The following AKT3 variants were observed in gnomAD, a reference collection of about 807,000 sequenced individuals.
AKT3 encodes RAC-gamma serine/threonine-protein kinase.
A neutral mutation model predicts 65.3 loss-of-function variants in AKT3; 15 were observed. The ratio of observed to expected loss-of-function variants is 0.23; its 90% confidence interval spans 0.15 to 0.35. The LOEUF (loss-of-function observed/expected upper bound fraction) is 0.35, where lower values mean the gene tolerates loss of function less well. Ranked by LOEUF, AKT3 falls within the 10% of genes least tolerant of loss-of-function variation. The pLI is 1.00. For missense variants in AKT3, 243 were observed against 576.5 expected, an observed-to-expected ratio of 0.42 and a Z score of 5.92; for synonymous variants, 206 against 183.8, an observed-to-expected ratio of 1.12 and a Z score of -0.98.
At chr1:243,583,809 G>A (rs950728898) in intron 8 of AKT3, among the ~76,000 whole-genome samples, 7 of 151,992 alleles carry the variant, frequency 4.6e-5, no homozygotes, top group East Asian at 1.9e-4. Flanking sequence ...TTCCAGGGAC[G>A]CAGCAAAAGC....
At chr1:243,514,441 C>T (rs933847300) in intron 12 of AKT3, among the ~76,000 whole-genome samples, 11 of 152,320 alleles carry the variant, frequency 7.2e-5, no homozygotes, top group Middle Eastern at 6.8e-3. Flanking sequence ...CGCCTTCTTA[C>T]ATTAAACAGC....
chr1:243,529,246 T>C (rs1451012489), intron 12 of AKT3, among the ~76,000 whole-genome samples: 1 of 151,898 alleles, frequency 6.6e-6, no homozygotes, highest in African/African-American at 2.4e-5. Flanking sequence ...TCTCCCATTC[T>C]GCAGAGGTCT....
intron 4 of AKT3, among the ~76,000 whole-genome samples, chr1:243,646,438 T>C (rs573613020): frequency 6.6e-6 from 1 of 152,110 alleles, no homozygotes; most frequent in East Asian, 1.9e-4. Context: ...CACTGCAACC[T>C]CCACCTCGTG....
At chr1:243,831,318 T>C (rs949266511) in intron 2 of AKT3, among the ~76,000 whole-genome samples, 3 of 152,074 alleles carry the variant, frequency 2.0e-5, no homozygotes, top group Middle Eastern at 3.2e-3. Context: ...AACAAGGCAA[T>C]AGAAAGTCAT....
At chr1:243,676,883 C>T (rs1413633654) in intron 3 of AKT3, among the ~76,000 whole-genome samples, 5 of 152,180 alleles carry the variant, frequency 3.3e-5, no homozygotes, top group Non-Finnish European at 4.4e-5. Flanking sequence ...CTTTTCTACC[C>T]TTCTCCCTAA....
chr1:243,628,757 A>C (rs1014804389), intron 6 of AKT3, among the ~76,000 whole-genome samples: 2 of 152,264 alleles, frequency 1.3e-5, no homozygotes, highest in African/African-American at 4.8e-5. Flanking sequence ...TTCAAAGGTA[A>C]TCAGCCAGCA....
chr1:243,599,174 TAAAAG>T (rs1457545812), intron 8 of AKT3, among the ~76,000 whole-genome samples: 1 of 151,460 alleles, frequency 6.6e-6, no homozygotes, highest in Non-Finnish European at 1.5e-5. Flanking sequence ...CTCACACAAA[TAAAAG>T]CTAACAAAAG....
At chr1:243,645,846 T>C in intron 5 of AKT3, 47 bp downstream of exon 5, 12 of 1,510,486 alleles carry the variant, frequency 7.9e-6, no homozygotes, top group Non-Finnish European at 1.1e-5. Flanking sequence ...AATATGTTTC[T>C]TCCAGACAAA....
chr1:243,702,415 T>C (rs919587683), intron 2 of AKT3, among the ~76,000 whole-genome samples: 1 of 152,164 alleles, frequency 6.6e-6, no homozygotes, highest in Non-Finnish European at 1.5e-5. Context: ...ACCTAACCTC[T>C]TTACATCTCA....
chr1:243,601,349 TATC>T (rs1253261435), intron 8 of AKT3, among the ~76,000 whole-genome samples: 3 of 152,124 alleles, frequency 2.0e-5, no homozygotes, highest in Non-Finnish European at 4.4e-5. Flanking sequence ...AGAAGTTCAA[TATC>T]ATTAGTTATT....
chr1:243,494,764 T>G (rs929858389), downstream of AKT3, among the ~76,000 whole-genome samples: 9 of 152,212 alleles, frequency 5.9e-5, no homozygotes, highest in Non-Finnish European at 1.2e-4. Context: ...ACATTACATT[T>G]CACAATATAA....
intron 2 of AKT3, among the ~76,000 whole-genome samples, chr1:243,697,739 G>A (rs1685148577): frequency 6.6e-6 from 1 of 152,028 alleles, no homozygotes; most frequent in Non-Finnish European, 1.5e-5. Context: ...AAGCTGACAA[G>A]CTCATAACGA....
chr1:243,725,886 AAGTAAT>A (rs1687177791), intron 2 of AKT3, among the ~76,000 whole-genome samples: 1 of 152,150 alleles, frequency 6.6e-6, no homozygotes, highest in Admixed American at 6.5e-5. Context: ...ACAATTTTCA[AAGTAAT>A]AGCTAAAAAG....
chr1:243,582,447 CAAAAAAAAAAAA>C (rs59718769), intron 8 of AKT3, among the ~76,000 whole-genome samples: 1 of 101,524 alleles, frequency 9.8e-6, no homozygotes, highest in African/African-American at 3.4e-5. Flanking sequence ...TTAGCTTTCT[CAAAAAAAAAAAA>C]AAAAAAAAAA....
intron 8 of AKT3, among the ~76,000 whole-genome samples, chr1:243,582,783 C>T (rs553436264): frequency 1.3e-5 from 2 of 152,096 alleles, no homozygotes; most frequent in South Asian, 2.1e-4. Context: ...TGTAAATGGT[C>T]TAAACACCTC....
At chr1:243,840,158 G>A (rs538669105) in intron 2 of AKT3, among the ~76,000 whole-genome samples, 3 of 152,170 alleles carry the variant, frequency 2.0e-5, no homozygotes, top group South Asian at 2.1e-4. Flanking sequence ...GTGACAGAAC[G>A]AGACTCCGTC....
intron 2 of AKT3, among the ~76,000 whole-genome samples, chr1:243,770,734 G>GGA (rs1553449110): frequency 1.4e-5 from 2 of 139,054 alleles, no homozygotes; most frequent in Non-Finnish European, 3.1e-5. Flanking sequence ...ATTCTAAATA[G>GGA]AAAAAAAAAA....
intron 2 of AKT3, among the ~76,000 whole-genome samples, chr1:243,792,253 T>C (rs1243225916): frequency 1.3e-5 from 2 of 151,848 alleles, no homozygotes; most frequent in Non-Finnish European, 2.9e-5. Context: ...ATTTTGAGCT[T>C]TTACCATTAA....
chr1:243,511,043 T>C (rs1464542000), intron 13 of AKT3, among the ~76,000 whole-genome samples: 1 of 152,250 alleles, frequency 6.6e-6, no homozygotes, highest in Non-Finnish European at 1.5e-5. Flanking sequence ...CAACATTGTC[T>C]GTGACTCTTA....
Sources: allele counts gnomAD v4.1 joint callset (sites outside exome capture counted in the v4.1 genomes callset), GRCh38; gene constraint gnomAD v4.1.1; transcripts MANE v1.5; gene names NCBI Gene and HGNC (gene_info 2026-07-23, HGNC 2026-07-21).